RBM6: variants seen among roughly 807,000 people sequenced by gnomAD.
RBM6 encodes RNA-binding protein 6.
Under a neutral mutation model 140.4 loss-of-function variants are expected in RBM6, and 23 were observed. That is an observed-to-expected ratio of 0.16 (90% CI 0.12 to 0.23). The LOEUF (loss-of-function observed/expected upper bound fraction) is 0.23, where lower values mean the gene tolerates loss of function less well. RBM6 is among the 10% of genes least tolerant of loss of function. The probability of loss-of-function intolerance (pLI) is 1.00; values close to 1 mark genes in which losing one functional copy is unlikely to be tolerated. For missense variants in RBM6, 1,139 were observed against 1,386.7 expected, an observed-to-expected ratio of 0.82 and a Z score of 2.84; for synonymous variants, 439 against 475.6, an observed-to-expected ratio of 0.92 and a Z score of 1.00.
chr3:49,946,196 C>T (rs1423991485), intron 1 of RBM6, among the ~76,000 whole-genome samples: 1 of 151,834 alleles, frequency 6.6e-6, no homozygotes, highest in Non-Finnish European at 1.5e-5. Context: ...GGTTTCAATT[C>T]AGTTTCTCTG....
At chr3:49,984,635 C>T (rs143315422) in intron 5 of RBM6, among the ~76,000 whole-genome samples, 3 of 52,886 alleles carry the variant, frequency 5.7e-5, no homozygotes, top group South Asian at 3.5e-4. Context: ...CGCATCGCAT[C>T]GCATCGCATC....
At chr3:50,038,658 C>T (rs1469089891) in intron 6 of RBM6, among the ~76,000 whole-genome samples, 1 of 152,078 alleles carries the variant, frequency 6.6e-6, no homozygotes, top group African/African-American at 2.4e-5. Context: ...GGTGAAACCC[C>T]GTCTCTACTA....
intron 6 of RBM6, among the ~76,000 whole-genome samples, chr3:50,009,959 G>A (rs1327670876): frequency 6.6e-6 from 1 of 151,986 alleles, no homozygotes; most frequent in Non-Finnish European, 1.5e-5. Flanking sequence ...CACAGTCTTG[G>A]CTCACTGCAA....
chr3:49,972,127 T>C lies in RBM6; in HGVS notation c.1392T>C (p.Pro464=), dbSNP rs2084822663. 3 of 1,612,506 alleles carry C rather than the reference T, an allele frequency of 1.9e-6. No individual in the cohort carries two copies. Among genetic ancestry groups the C allele is most frequent in the Non-Finnish European group, 1.7e-6 (2 of 1,178,632 alleles). The part of the protein sequence containing the change: ...PSRLIRLSGV[P]EDATKEEILN... ...GGCTTATTCGATTAAGTGGGGTACC[T>C]GAAGATGCCACAAAAGAAGAGGTAA... The change falls in exon 4 of 21, where the codon CCT becomes CCC. Residue 464 remains proline, a synonymous_variant. Transcript: ENST00000266022.
At chr3:49,983,968 T>A (rs2085426481) in intron 5 of RBM6, among the ~76,000 whole-genome samples, 1 of 152,126 alleles carries the variant, frequency 6.6e-6, no homozygotes, top group South Asian at 2.1e-4. Flanking sequence ...ATTTTTGGAA[T>A]GACCTGGGAT....
At position 50,035,410 on chromosome 3, in the gene RBM6, C is replaced by T. The variant is rs555811863; in HGVS notation, c.1558-12835C>T. ...ATAATAGAAACTTCAGGACAGGGTG[C>T]GGTGGCTCACACCTGTAATCTCAGC... On this transcript the variant is annotated intron_variant, in intron 6 of 20. Coordinates refer to ENST00000266022, the MANE Select transcript of RBM6 (RefSeq NM_005777.3). Among the ~76,000 whole-genome samples the T allele has an allele frequency of 7.2e-5, 11 of 152,112 alleles. No homozygotes were observed. In the South Asian group the frequency reaches 1.9e-3, roughly 26 times the overall value.
intron 6 of RBM6, chr3:50,047,151 GA>G: frequency 2.0e-6 from 2 of 984,070 alleles, no homozygotes; most frequent in Non-Finnish European, 2.4e-6. Context: ...TTTTTGATGT[GA>G]AAAGCAGAGA....
chr3:49,984,659 TCG>T (rs2085481161), intron 5 of RBM6, among the ~76,000 whole-genome samples: 1 of 130,990 alleles, frequency 7.6e-6, no homozygotes, highest in African/African-American at 2.8e-5. Flanking sequence ...TCGCATCGCA[TCG>T]CATTGCATCA....
intron 11 of RBM6, 66 bp from the exon 12 acceptor site, chr3:50,060,890 A>G: frequency 6.8e-7 from 1 of 1,468,626 alleles, no homozygotes; most frequent in Non-Finnish European, 9.1e-7. Flanking sequence ...TAGGAACTGT[A>G]GGATTAAGTA....
In RBM6 at chr3:50,057,875, G is replaced by C; in HGVS notation, c.1841G>C (p.Arg614Pro). 6.2e-7 allele frequency: 1 copy of C among 1,614,054 alleles called. No homozygotes were observed. The highest frequency in any genetic ancestry group is 8.5e-7 in the Non-Finnish European group (1 of 1,180,016). The change falls in exon 9 of 21, where the codon CGC (arginine) becomes CCC (proline). Residue 614 changes from arginine (R) to proline (P), a missense_variant. Physicochemically the swap from Arg to Pro is moderately radical, Grantham distance 103. This residue lies in a region of RBM6 where 109 missense variants were observed against 101.9 expected (regional missense o/e 1.07). Coordinates refer to ENST00000266022, the MANE Select transcript of RBM6 (RefSeq NM_005777.3). ...PRKREEGQES[R>P]LGHQKREAER... ...AAGAGGGAAGAAGGCCAAGAGTCACGCTTAGGACATCAAAAGAGAGAAGCA... is the reference window on the plus strand; with the variant it reads ...AAGAGGGAAGAAGGCCAAGAGTCACCCTTAGGACATCAAAAGAGAGAAGCA...
At chr3:49,945,497 G>T (rs992390868) in intron 1 of RBM6, among the ~76,000 whole-genome samples, 2 of 152,006 alleles carry the variant, frequency 1.3e-5, no homozygotes, top group East Asian at 3.9e-4. Context: ...ACTGAATTGT[G>T]TCCCCCTGAA....
intron 5 of RBM6, among the ~76,000 whole-genome samples, chr3:49,997,132 G>T (rs972983129): frequency 6.6e-6 from 1 of 151,182 alleles, no homozygotes; most frequent in South Asian, 2.1e-4. Flanking sequence ...AATCCTTATG[G>T]CACAACCATG....
At chr3:49,958,088 C>T (rs571857631) in intron 1 of RBM6, among the ~76,000 whole-genome samples, 1 of 152,262 alleles carries the variant, frequency 6.6e-6, no homozygotes, top group East Asian at 1.9e-4. Context: ...CCGCACCTGG[C>T]CGAGATCTTT....
At chr3:50,040,376 G>A (rs550564609) in intron 6 of RBM6, among the ~76,000 whole-genome samples, 110 of 146,218 alleles carry the variant, frequency 7.5e-4, no homozygotes, top group Middle Eastern at 7.1e-3. Flanking sequence ...AACCCGGGAG[G>A]CAGAGCTTGC....
At chr3:49,991,918 C>CTTTATTTTATTTTATTTTAT (rs138310398) in intron 5 of RBM6, among the ~76,000 whole-genome samples, 2 of 132,848 alleles carry the variant, frequency 1.5e-5, no homozygotes, top group African/African-American at 5.5e-5. Flanking sequence ...ATCCCAGAGC[C>CTTTATTTTATTTTATTTTAT]TTTATTTTAT....
At chr3:49,982,572 G>C (rs547817762) in intron 5 of RBM6, among the ~76,000 whole-genome samples, 3 of 151,120 alleles carry the variant, frequency 2.0e-5, no homozygotes, top group African/African-American at 7.3e-5. Context: ...CCGCCACCAC[G>C]CCCAGCTAAT....
chr3:50,015,778 A>G (rs974872576), intron 6 of RBM6, among the ~76,000 whole-genome samples: 2 of 152,158 alleles, frequency 1.3e-5, no homozygotes, highest in African/African-American at 2.4e-5. Context: ...TTTATGGAGT[A>G]CCCATGTTAT....
chr3:50,048,414 A>AG (rs2089315199), intron 7 of RBM6, 95 bp downstream of exon 7: 1 of 1,521,468 alleles, frequency 6.6e-7, no homozygotes. Context: ...TGCATTCCCA[A>AG]GGACAAAGCT....
intron 5 of RBM6, among the ~76,000 whole-genome samples, chr3:49,990,174 T>C (rs1478622771): frequency 2.0e-5 from 3 of 152,194 alleles, no homozygotes; most frequent in African/African-American, 7.2e-5. Context: ...TTTTGAGAAA[T>C]GGATCAAGTG....
Sources: allele counts gnomAD v4.1 joint callset (sites outside exome capture counted in the v4.1 genomes callset), GRCh38; gene constraint gnomAD v4.1.1; regional missense constraint gnomAD v4.1.1; transcripts MANE v1.5; gene names NCBI Gene and HGNC (gene_info 2026-07-23, HGNC 2026-07-21).